The following PEX5 variants were observed in gnomAD, a reference collection of about 807,000 sequenced individuals.
PEX5 encodes peroxisomal biogenesis factor 5.
A neutral mutation model predicts 82.9 loss-of-function variants in PEX5; 52 were observed. The ratio of observed to expected loss-of-function variants is 0.63; its 90% confidence interval spans 0.50 to 0.79. The LOEUF (loss-of-function observed/expected upper bound fraction) is 0.79. Ranked by LOEUF, PEX5 falls within the 30% of genes least tolerant of loss-of-function variation. The pLI, the probability that PEX5 is intolerant of heterozygous loss-of-function variation, is 0.00. For missense variants in PEX5, 719 were observed against 815.2 expected (o/e 0.88, Z 1.44); for synonymous variants, 300 against 318.8 (o/e 0.94, Z 0.63).
chr12:7,207,992 C>T lies in PEX5; in HGVS notation c.1111-18C>T, dbSNP rs1354941816. 1 of 1,604,556 alleles carries T rather than the reference C, an allele frequency of 6.2e-7. No individual in the cohort carries two copies. The highest frequency in any genetic ancestry group is 1.7e-5 in the Admixed American group (1 of 59,996). On this transcript the variant is annotated intron_variant, in intron 11 of 15. Transcript: ENST00000675855. ...AGAGGTGAATATGGGGTGATGGAAT[C>T]TGTCAACTTCCCTCTAGGCTTGGCA...
chr12:7,202,051 C>G, intron 7 of PEX5, 190 bp from the exon 8 acceptor site: 3 of 874,270 alleles, frequency 3.4e-6, no homozygotes, highest in Non-Finnish European at 5.4e-6. Flanking sequence ...TTTTCTGATG[C>G]CTTTGCAAGT....
intron 10 of PEX5, among the ~76,000 whole-genome samples, chr12:7,206,707 T>C (rs1944843003): frequency 8.3e-6 from 1 of 120,718 alleles, no homozygotes; most frequent in African/African-American, 2.6e-5. Context: ...TTCTTTATCA[T>C]TTTCACAATA....
chr12:7,207,233 A>G (rs1375355337), intron 10 of PEX5, among the ~76,000 whole-genome samples: 1 of 152,204 alleles, frequency 6.6e-6, no homozygotes, highest in African/African-American at 2.4e-5. Flanking sequence ...TCCAAACAAC[A>G]TTTCCTTTAT....
chr12:7,207,566 C>G, intron 10 of PEX5, 93 bp from the exon 11 acceptor site: 1 of 1,314,744 alleles, frequency 7.6e-7, no homozygotes, highest in East Asian at 2.3e-5. Flanking sequence ...TTTGGAGGCC[C>G]TCAGCTTCTC....
chr12:7,211,246 T>C lies in PEX5; in HGVS notation c.*1023T>C, dbSNP rs1945532046. The C allele has an allele frequency of 6.6e-6, 1 of 152,578 alleles. No individual in the cohort carries two copies. Among genetic ancestry groups the C allele is most frequent in the African/African-American group, 2.4e-5 (1 of 41,384 alleles). The allele number at this position is 152,578 out of a possible 1,614,324, so 9.5% of individuals were successfully genotyped here. ...GATCGAAGGAAGATGAGGGAGCAGC[T>C]TGGATTCTTCTCAGTTGTCCCCTGC... On this transcript the variant is annotated 3_prime_UTR_variant, in exon 16 of 16. Transcript: ENST00000675855.
chr12:7,197,252 T>TATGTAATAATTATATGTC lies in PEX5; in HGVS notation c.449-1744_449-1743insGTCATGTAATAATTATAT, dbSNP rs1565687478. Among the ~76,000 whole-genome samples, 12 of 15,440 alleles carry TATGTAATAATTATATGTC rather than the reference T, an allele frequency of 7.8e-4. 4 individuals carry two copies. In the East Asian group the frequency reaches 0.011, roughly 14 times the overall value. The allele number at this position is 15,440 out of a possible 152,430, so 10.1% of individuals were successfully genotyped here. ...TGTCATATGTAATAATTATATGTCA[T>TATGTAATAATTATATGTC]ATGTAATAATTATATATGTCATATA... is the stretch of plus-strand genomic sequence containing the variant. On this transcript the variant is annotated intron_variant, in intron 5 of 15. Transcript: ENST00000675855.
intron 10 of PEX5, among the ~76,000 whole-genome samples, chr12:7,204,314 T>C (rs748577399): frequency 1.3e-5 from 2 of 152,044 alleles, no homozygotes; most frequent in African/African-American, 2.4e-5. Flanking sequence ...TCAGATCTGG[T>C]TGGGAAAGTA....
rs895357347 is a variant in PEX5 at position 7,189,709 on chromosome 12, G to C, written c.-58G>C. On this transcript the variant is annotated 5_prime_UTR_variant, in exon 1 of 16. Coordinates refer to ENST00000675855, the MANE Select transcript of PEX5 (RefSeq NM_001351132.2). ...CCCTCTTCTCCCCTCCCCCAAGCCA[G>C]CACCTGGTGCCCCGGCGGGTCGTGC... 5 of 366,286 alleles carry C rather than the reference G, an allele frequency of 1.4e-5. No homozygotes were observed. The highest frequency in any genetic ancestry group is 7.0e-4 in the Middle Eastern group (1 of 1,428). The allele number at this position is 366,286 out of a possible 1,614,324, so 22.7% of individuals were successfully genotyped here.
At chr12:7,192,350 A>C (rs1160289402) in intron 5 of PEX5, among the ~76,000 whole-genome samples, 1 of 152,168 alleles carries the variant, frequency 6.6e-6, no homozygotes, top group Non-Finnish European at 1.5e-5. Context: ...TTGATCCTGG[A>C]TTTGAATGAT....
intron 5 of PEX5, among the ~76,000 whole-genome samples, chr12:7,193,857 G>C (rs945113176): frequency 1.3e-5 from 2 of 152,200 alleles, no homozygotes; most frequent in African/African-American, 4.8e-5. Flanking sequence ...TCTTAGTAGA[G>C]CTCTTCTAGT....
chr12:7,208,080 G>C lies in PEX5; in HGVS notation c.1181G>C (p.Arg394Thr), dbSNP rs764561896. 17 of 1,609,792 alleles carry C rather than the reference G, an allele frequency of 1.1e-5. No homozygotes were observed. The South Asian group carries it at 1.9e-4, about 18-fold the overall frequency. ...QELLAISALR[R>T]CLELKPDNQT... ...CTATTAGCCATCAGTGCATTGCGGA[G>C]GTGAGTACACTGAAAGGTGTGGGTG... Residue 394 changes from arginine (R) to threonine (T), a missense_variant and splice_region_variant, in exon 12 of 16, where the codon AGG (arginine) becomes ACG (threonine). Transcript: ENST00000675855.
At chr12:7,214,229 T>C (rs199912342), downstream of PEX5, among the ~76,000 whole-genome samples, 1 of 152,172 alleles carries the variant, frequency 6.6e-6, no homozygotes, top group East Asian at 1.9e-4. Flanking sequence ...CTGGGTATAT[T>C]CCCAAAGGAC....
intron 1 of PEX5, chr12:7,189,992 C>T (rs927620653): frequency 1.1e-5 from 16 of 1,501,848 alleles, no homozygotes; most frequent in Non-Finnish European, 1.4e-5. Context: ...TATGGTCGGG[C>T]TGTTTTCCCA....
At chr12:7,192,753 TTC>T (rs1941386366) in intron 5 of PEX5, among the ~76,000 whole-genome samples, 1 of 152,190 alleles carries the variant, frequency 6.6e-6, no homozygotes. Flanking sequence ...TTAATTTATG[TTC>T]TTTCTTCGTT....
At position 7,208,540 on chromosome 12, in the gene PEX5, C is replaced by T. The variant is rs1945109944; in HGVS notation, c.1265C>T (p.Ala422Val). The change falls in exon 13 of 16, where the codon GCC becomes GTC. Residue 422 changes from alanine to valine, a missense_variant. Ala to Val is a moderately conservative substitution (Grantham distance 64). Coordinates refer to ENST00000675855, the MANE Select transcript of PEX5 (RefSeq NM_001351132.2). ...ACCAACGAGTCCCTGCAGCGACAGG[C>T]CTGTGAAACCCTACGAGACTGGCTG... is the stretch of plus-strand genomic sequence containing the variant. ...SFTNESLQRQ[A>V]CETLRDWLRY... 1.2e-6 allele frequency: 2 copies of T among 1,614,110 alleles called. No homozygotes were observed. Among genetic ancestry groups the T allele is most frequent in the Non-Finnish European group, 1.7e-6 (2 of 1,179,940 alleles).
At chr12:7,197,440 T>TA (rs1565689011) in intron 5 of PEX5, among the ~76,000 whole-genome samples, 4 of 89,136 alleles carry the variant, frequency 4.5e-5, no homozygotes, top group Admixed American at 2.7e-4. Flanking sequence ...TACAATGTAA[T>TA]TATGTTATAT....
rs6486910 is a variant in PEX5 at position 7,203,883 on chromosome 12, G to A, written c.966+332G>A. ...TTGGGAGCTTTTTGAGAAGACTGCT[G>A]ACTCCTTTGGTGGGGAGTGTTAGTG... On this transcript the variant is annotated intron_variant, in intron 10 of 15. Coordinates refer to ENST00000675855, the MANE Select transcript of PEX5 (RefSeq NM_001351132.2). Among the ~76,000 whole-genome samples the A allele has an allele frequency of 0.44, 67,153 of 151,958 alleles. 15,983 individuals carry two copies. The highest frequency in any genetic ancestry group is 0.61 in the Admixed American group (9,328 of 15,270).
intron 5 of PEX5, among the ~76,000 whole-genome samples, chr12:7,197,299 CAT>C (rs1267961627): frequency 1.0e-4 from 10 of 95,440 alleles, no homozygotes; most frequent in South Asian, 3.2e-4. Flanking sequence ...TTATATATGT[CAT>C]ATATAATGTA....
In PEX5 at chr12:7,195,607, T is replaced by G. The variant is rs144524035; in HGVS notation, c.449-3404T>G. Among the ~76,000 whole-genome samples, 1,062 of 151,458 alleles carry G rather than the reference T, an allele frequency of 7.0e-3. 19 individuals carry two copies. The highest frequency in any genetic ancestry group is 0.024 in the African/African-American group (1,003 of 41,276). On this transcript the variant is annotated intron_variant, in intron 5 of 15. Coordinates refer to ENST00000675855, the MANE Select transcript of PEX5 (RefSeq NM_001351132.2). ...TAAAAATTCAAAGGTGCTTTGTGTT[T>G]TTTCTGTTTTTTTTTTTTTGTCCTT...
Sources: gnomAD v4.1 joint callset for allele counts (sites outside exome capture counted in the v4.1 genomes callset) on GRCh38, gnomAD v4.1.1 for gene constraint, MANE v1.5 for transcripts, NCBI Gene and HGNC (gene_info 2026-07-23, HGNC 2026-07-21) for gene names.